The following TMTC1 variants were observed in gnomAD, a reference collection of about 807,000 sequenced individuals.
The protein encoded by TMTC1 is protein O-mannosyl-transferase TMTC1.
TMTC1 carries 73 observed loss-of-function variants against 104.8 expected under a neutral mutation model. The observed-to-expected ratio is 0.70, with a 90% CI of 0.58 to 0.85. The LOEUF is 0.85. Among genes scored for constraint, TMTC1 ranks in the 40% least tolerant of loss-of-function variants. TMTC1 has a pLI of 0.00. For missense variants in TMTC1, 1,035 were observed against 1,096.1 expected, an observed-to-expected ratio of 0.94 and a Z score of 0.79; for synonymous variants, 434 against 428.7, an observed-to-expected ratio of 1.01 and a Z score of -0.15.
chr12:29,680,969 C>A (rs1479304881), intron 5 of TMTC1, among the ~76,000 whole-genome samples: 1 of 151,900 alleles, frequency 6.6e-6, no homozygotes, highest in Non-Finnish European at 1.5e-5. Context: ...CATGGTGGCA[C>A]ATGCCTGTAA....
intron 8 of TMTC1, among the ~76,000 whole-genome samples, chr12:29,573,244 G>T (rs901193615): frequency 6.6e-6 from 1 of 152,116 alleles, no homozygotes; most frequent in Non-Finnish European, 1.5e-5. Context: ...ATTATGACAT[G>T]CCAGGCCCTC....
chr12:29,699,649 CTTTTT>C (rs71444337), intron 5 of TMTC1, among the ~76,000 whole-genome samples: 38 of 86,864 alleles, frequency 4.4e-4, no homozygotes, highest in East Asian at 3.2e-3. Flanking sequence ...TCATCTGGTG[CTTTTT>C]TTTTTTTTTT....
intron 5 of TMTC1, among the ~76,000 whole-genome samples, chr12:29,718,946 A>G (rs1192676281): frequency 6.6e-6 from 1 of 151,712 alleles, no homozygotes; most frequent in Admixed American, 6.6e-5. Context: ...AAAAAAAAAA[A>G]AAAAAGTTCA....
chr12:29,572,529 G>C (rs1351649790), intron 8 of TMTC1, among the ~76,000 whole-genome samples: 1 of 152,146 alleles, frequency 6.6e-6, no homozygotes. Flanking sequence ...CTGGAGTCTG[G>C]GTAAGGCTCT....
intron 5 of TMTC1, among the ~76,000 whole-genome samples, chr12:29,653,395 AT>A (rs1401097997): frequency 6.6e-6 from 1 of 152,132 alleles, no homozygotes; most frequent in Non-Finnish European, 1.5e-5. Context: ...GACTACTTGG[AT>A]GAGAGGAATG....
chr12:29,729,628 G>A (rs77885903), intron 5 of TMTC1, among the ~76,000 whole-genome samples: 15 of 152,276 alleles, frequency 9.9e-5, no homozygotes, highest in African/African-American at 3.4e-4. Flanking sequence ...GGTGATAACA[G>A]TTCCTCTGCT....
At chr12:29,548,049 G>A (rs919014501) in intron 10 of TMTC1, among the ~76,000 whole-genome samples, 5 of 152,182 alleles carry the variant, frequency 3.3e-5, no homozygotes, top group African/African-American at 1.2e-4. Context: ...CATTCTTCTT[G>A]CCAATTTGAT....
Position 29,584,125 on chromosome 12 carries a change from G to A in TMTC1, c.1251-551C>T, listed in dbSNP as rs552422783. Among the ~76,000 whole-genome samples the A allele has an allele frequency of 7.3e-4, 111 of 152,282 alleles. No individual in the cohort carries two copies. In the South Asian group the frequency reaches 8.1e-3, roughly 11 times the overall value. On this transcript the variant is annotated intron_variant, in intron 7 of 17. Coordinates refer to ENST00000539277, the MANE Select transcript of TMTC1 (RefSeq NM_001193451.2). Reference sequence around the variant, plus strand: ...ACTTTGGAAAATCTACCCACAGGCCGACTCCTGAGCCTCACAACTTGGAGC... The same window carrying A: ...ACTTTGGAAAATCTACCCACAGGCCAACTCCTGAGCCTCACAACTTGGAGC...
At chr12:29,680,321 C>A (rs970968051) in intron 5 of TMTC1, among the ~76,000 whole-genome samples, 3 of 152,150 alleles carry the variant, frequency 2.0e-5, no homozygotes, top group African/African-American at 7.2e-5. Context: ...CACCACAATG[C>A]CCTGATTTGG....
chr12:29,718,932 CAAAA>C (rs35351612), intron 5 of TMTC1, among the ~76,000 whole-genome samples: 1 of 88,286 alleles, frequency 1.1e-5, no homozygotes, highest in African/African-American at 4.3e-5. Flanking sequence ...GACTCCATCT[CAAAA>C]AAAAAAAAAA....
rs528866745 is a variant in TMTC1, at chr12:29,740,934, G to A, written c.938+10732C>T. ...CAACACATGTCCTCAAGTGTTGTTA[G>A]AGTCTAGTGTATTTTTCTAAGAAAT... On this transcript the variant is annotated intron_variant, in intron 5 of 17. Coordinates refer to ENST00000539277, the MANE Select transcript of TMTC1 (RefSeq NM_001193451.2). Among the ~76,000 whole-genome samples the A allele has an allele frequency of 1.2e-4, 19 of 152,314 alleles. No homozygotes were observed. The South Asian group carries it at 2.9e-3, about 23-fold the overall frequency.
At chr12:29,522,554 ATGTGTGTG>A (rs4034168) in intron 11 of TMTC1, among the ~76,000 whole-genome samples, 27 of 148,454 alleles carry the variant, frequency 1.8e-4, no homozygotes, top group South Asian at 4.4e-4. Flanking sequence ...AGGACTGACA[ATGTGTGTG>A]TGTGTGTGTG....
chr12:29,729,954 T>G (rs1218766755), intron 5 of TMTC1, among the ~76,000 whole-genome samples: 1 of 152,102 alleles, frequency 6.6e-6, no homozygotes, highest in East Asian at 1.9e-4. Context: ...TCATTAAAAC[T>G]TTTCCTCAAC....
At chr12:29,577,912 T>C (rs1654676772) in intron 8 of TMTC1, among the ~76,000 whole-genome samples, 13 of 152,124 alleles carry the variant, frequency 8.5e-5, no homozygotes, top group Admixed American at 8.5e-4. Flanking sequence ...GTATTAGTAA[T>C]GGCTTTAATA....
At position 29,503,942 on chromosome 12, in the gene TMTC1, G is replaced by A. The variant is rs1454823370; in HGVS notation, c.*2904C>T. 1 of 152,078 alleles carries A rather than the reference G, an allele frequency of 6.6e-6. No individual in the cohort carries two copies. Among genetic ancestry groups the A allele is most frequent in the Non-Finnish European group, 1.5e-5 (1 of 68,156 alleles). 9.4% of individuals were successfully genotyped at this position (152,078 alleles called of 1,614,324 possible). On this transcript the variant is annotated 3_prime_UTR_variant, in exon 18 of 18. Coordinates refer to ENST00000539277, the MANE Select transcript of TMTC1 (RefSeq NM_001193451.2). ...CTACAAAAAATACAAAAATTAGCTG[G>A]ACATGCTGGCATATGCCTGTAGTCT...
At chr12:29,564,376 G>A (rs923499178) in intron 9 of TMTC1, among the ~76,000 whole-genome samples, 1 of 152,172 alleles carries the variant, frequency 6.6e-6, no homozygotes, top group African/African-American at 2.4e-5. Flanking sequence ...AGAACAAGAT[G>A]TAGGGAAGGA....
At chr12:29,754,175 T>C (rs1943160223) in intron 4 of TMTC1, among the ~76,000 whole-genome samples, 1 of 31,154 alleles carries the variant, frequency 3.2e-5, no homozygotes, top group Non-Finnish European at 8.1e-5. Flanking sequence ...TAAAAGTTTC[T>C]TTAAAAAAAA....
intron 10 of TMTC1, among the ~76,000 whole-genome samples, chr12:29,552,248 CA>C (rs1187030897): frequency 1.3e-5 from 2 of 151,794 alleles, no homozygotes; most frequent in Non-Finnish European, 2.9e-5. Flanking sequence ...GTGTAAAGCA[CA>C]CATTGCATTC....
At chr12:29,626,829 G>A (rs192892698) in intron 6 of TMTC1, among the ~76,000 whole-genome samples, 2 of 152,300 alleles carry the variant, frequency 1.3e-5, no homozygotes. Context: ...GGTCAGGCAT[G>A]GTGGCTCATG....
Sources: gnomAD v4.1 joint callset for allele counts (sites outside exome capture counted in the v4.1 genomes callset) on GRCh38, gnomAD v4.1.1 for gene constraint, MANE v1.5 for transcripts, NCBI Gene and HGNC (gene_info 2026-07-23, HGNC 2026-07-21) for gene names.